COL25A1: variants seen among roughly 807,000 people sequenced by gnomAD.
The protein encoded by COL25A1 is collagen type XXV alpha 1 chain.
In COL25A1, 103 loss-of-function variants were observed where a neutral mutation model predicts 128.4. The observed-to-expected ratio is 0.80, with a 90% confidence interval of 0.68 to 0.94. The LOEUF (loss-of-function observed/expected upper bound fraction) is 0.94. Ranked by LOEUF, COL25A1 falls within the 40% of genes least tolerant of loss-of-function variation. COL25A1 has a pLI of 0.00. For missense variants in COL25A1, 745 were observed against 840.0 expected (o/e 0.89, Z 1.40); for synonymous variants, 279 against 277.2 (o/e 1.01, Z -0.06).
intron 3 of COL25A1, among the ~76,000 whole-genome samples, chr4:109,263,707 C>T (rs1417991400): frequency 6.6e-6 from 1 of 152,206 alleles, no homozygotes; most frequent in Admixed American, 6.5e-5. Flanking sequence ...TACCGTATTG[C>T]TGCCTTGCTT....
chr4:109,065,532 A>ACC (rs1553924904), intron 3 of COL25A1, among the ~76,000 whole-genome samples: 1 of 126,524 alleles, frequency 7.9e-6, no homozygotes, highest in Non-Finnish European at 1.7e-5. Flanking sequence ...TTGGTGCAGC[A>ACC]CGCGCGCGCG....
chr4:109,253,342 T>C (rs1780791007), intron 3 of COL25A1, among the ~76,000 whole-genome samples: 1 of 152,164 alleles, frequency 6.6e-6, no homozygotes, highest in African/African-American at 2.4e-5. Flanking sequence ...TCCTAAGGCC[T>C]GAGAACCAGG....
chr4:108,865,976 C>G (rs1578589377), intron 20 of COL25A1, among the ~76,000 whole-genome samples: 2 of 152,190 alleles, frequency 1.3e-5, no homozygotes, highest in African/African-American at 4.8e-5. Flanking sequence ...CCCTATCACT[C>G]TCTGAAATTA....
At chr4:108,976,109 C>G (rs1022857260) in intron 6 of COL25A1, among the ~76,000 whole-genome samples, 2 of 152,048 alleles carry the variant, frequency 1.3e-5, no homozygotes, top group Non-Finnish European at 2.9e-5. Flanking sequence ...TTTTTATATT[C>G]CACTTAAGAA....
chr4:108,918,428 T>G (rs1229191405), intron 12 of COL25A1, among the ~76,000 whole-genome samples: 1 of 152,230 alleles, frequency 6.6e-6, no homozygotes, highest in African/African-American at 2.4e-5. Context: ...TGCTTCTAAG[T>G]ATCCACTTAA....
intron 10 of COL25A1, 27 bp from the exon 11 acceptor site, chr4:108,937,870 G>A: frequency 6.3e-7 from 1 of 1,582,312 alleles, no homozygotes; most frequent in South Asian, 1.2e-5. Flanking sequence ...GATAATTTTA[G>A]TAACGCTGTA....
At chr4:108,889,064 A>G (rs1280833200) in intron 18 of COL25A1, among the ~76,000 whole-genome samples, 157 bp downstream of exon 18, 1 of 152,236 alleles carries the variant, frequency 6.6e-6, no homozygotes, top group Non-Finnish European at 1.5e-5. Flanking sequence ...GGTCATCATC[A>G]AGACCTTTTA....
intron 6 of COL25A1, among the ~76,000 whole-genome samples, chr4:108,975,656 A>G (rs1210598362): frequency 6.6e-6 from 1 of 152,192 alleles, no homozygotes; most frequent in African/African-American, 2.4e-5. Context: ...CAGTTGCCCC[A>G]TATTACCAAT....
chr4:109,286,743 A>G (rs973033351), intron 3 of COL25A1, among the ~76,000 whole-genome samples: 4 of 152,132 alleles, frequency 2.6e-5, no homozygotes, highest in Non-Finnish European at 1.5e-5. Flanking sequence ...CCAACCCAAA[A>G]TATCAATAAT....
At chr4:108,916,748 T>C (rs1161501923) in intron 13 of COL25A1, among the ~76,000 whole-genome samples, 1 of 152,202 alleles carries the variant, frequency 6.6e-6, no homozygotes, top group Non-Finnish European at 1.5e-5. Flanking sequence ...AACAGAATAT[T>C]CTAAATATTC....
At chr4:109,072,785 C>T (rs910248247) in intron 3 of COL25A1, among the ~76,000 whole-genome samples, 14 of 152,214 alleles carry the variant, frequency 9.2e-5, no homozygotes, top group East Asian at 1.9e-4. Flanking sequence ...TCATAAATTT[C>T]GCAATCAGCA....
intron 19 of COL25A1, among the ~76,000 whole-genome samples, chr4:108,871,695 A>C (rs1340037583): frequency 6.6e-6 from 1 of 152,202 alleles, no homozygotes; most frequent in Non-Finnish European, 1.5e-5. Context: ...TACCGTATCT[A>C]TACATTCTGA....
chr4:109,057,034 A>AT (rs1030529567), intron 3 of COL25A1, among the ~76,000 whole-genome samples: 4 of 152,064 alleles, frequency 2.6e-5, no homozygotes, highest in African/African-American at 7.2e-5. Flanking sequence ...TAAGTTTTTT[A>AT]TTTTTTGTAG....
chr4:108,840,078 C>G (rs1294682683), intron 31 of COL25A1, among the ~76,000 whole-genome samples: 1 of 151,718 alleles, frequency 6.6e-6, no homozygotes, highest in East Asian at 1.9e-4. Context: ...CTTGTCTCTA[C>G]TAAAAATACA....
intron 31 of COL25A1, among the ~76,000 whole-genome samples, chr4:108,840,931 G>A (rs986014631): frequency 6.6e-6 from 1 of 152,126 alleles, no homozygotes; most frequent in Non-Finnish European, 1.5e-5. Flanking sequence ...GATCAGAGAG[G>A]GTCCATAATC....
At chr4:108,960,182 C>A (rs921580052) in intron 8 of COL25A1, among the ~76,000 whole-genome samples, 1 of 136,358 alleles carries the variant, frequency 7.3e-6, no homozygotes, top group Non-Finnish European at 1.7e-5. Flanking sequence ...TGGGGTAAAG[C>A]TCTTAACACA....
chr4:109,085,168 G>A (rs1021961327), intron 3 of COL25A1, among the ~76,000 whole-genome samples: 1 of 152,070 alleles, frequency 6.6e-6, no homozygotes, highest in Non-Finnish European at 1.5e-5. Flanking sequence ...ATCCATTGCA[G>A]CTGGGGCTCC....
At chr4:109,067,204 G>A (rs1230486077) in intron 3 of COL25A1, among the ~76,000 whole-genome samples, 1 of 151,934 alleles carries the variant, frequency 6.6e-6, no homozygotes, top group African/African-American at 2.4e-5. Flanking sequence ...ACTGTCCTCT[G>A]GAAGCATAAT....
intron 3 of COL25A1, among the ~76,000 whole-genome samples, chr4:109,120,238 C>G (rs1311520293): frequency 6.6e-6 from 1 of 152,114 alleles, no homozygotes; most frequent in Non-Finnish European, 1.5e-5. Context: ...TGTCTCTTCT[C>G]ACCACTGCTT....
Sources: gnomAD v4.1 joint callset for allele counts (sites outside exome capture counted in the v4.1 genomes callset) on GRCh38, gnomAD v4.1.1 for gene constraint, MANE v1.5 for transcripts, NCBI Gene and HGNC (gene_info 2026-07-23, HGNC 2026-07-21) for gene names.